The following SETD2 variants were observed in gnomAD, a reference collection of about 807,000 sequenced individuals.
SETD2 encodes the protein SET domain containing 2, histone lysine methyltransferase.
Under a neutral mutation model 242.1 loss-of-function variants are expected in SETD2, and 31 were observed. The ratio of observed to expected loss-of-function variants is 0.13; its 90% CI spans 0.10 to 0.17. The LOEUF (loss-of-function observed/expected upper bound fraction) is 0.17, where lower values mean the gene tolerates loss of function less well. SETD2 is among the 10% of genes least tolerant of loss of function. SETD2 has a pLI of 1.00. For missense variants in SETD2, 2,481 were observed against 3,046.3 expected, an observed-to-expected ratio of 0.81 and a Z score of 4.37; for synonymous variants, 1,006 against 1,066.5, an observed-to-expected ratio of 0.94 and a Z score of 1.11.
chr3:47,064,580 C>T, intron 13 of SETD2: 1 of 361,816 alleles, frequency 2.8e-6, no homozygotes. Context: ...TGACTCTGCA[C>T]CTTAGAATAT....
intron 17 of SETD2, among the ~76,000 whole-genome samples, chr3:47,038,230 GAA>G (rs950336255): frequency 4.6e-5 from 7 of 152,216 alleles, no homozygotes; most frequent in Non-Finnish European, 1.0e-4. Flanking sequence ...GACCACGTGA[GAA>G]AATTATCCCT....
chr3:47,137,694 T>C (rs924723131), intron 1 of SETD2, among the ~76,000 whole-genome samples: 5 of 152,092 alleles, frequency 3.3e-5, no homozygotes, highest in Admixed American at 6.6e-5. Context: ...ATTATAAATT[T>C]TTCTTTTTTT....
rs71098457 is a variant in SETD2 at position 47,150,028 on chromosome 3, C to CTTTTTTTTTTT, written c.71+13815_71+13825dup. On this transcript the variant is annotated intron_variant, in intron 1 of 20. Transcript: ENST00000409792. ...GTGTCTTTTGGCATATCCAAAAATA[C>CTTTTTTTTTTT]TTTTTTTTTTTTTTTTTTTTGAGAC... 4.1e-4 allele frequency among the ~76,000 whole-genome samples: 38 copies of CTTTTTTTTTTT among 92,428 alleles called. 1 individual carries two copies. The highest frequency in any genetic ancestry group is 4.7e-4 in the Non-Finnish European group (24 of 51,016). The allele number at this position is 92,428 out of a possible 152,430, so 60.6% of individuals were successfully genotyped here. A position where few individuals can be genotyped will look rare whatever the true frequency, so the allele number is the denominator to read the frequency against.
intron 6 of SETD2, among the ~76,000 whole-genome samples, chr3:47,104,854 C>CAA (rs1396746987): frequency 6.6e-6 from 1 of 152,196 alleles, no homozygotes; most frequent in Non-Finnish European, 1.5e-5. Context: ...GGCCAACACT[C>CAA]AAGTGATTCT....
At chr3:47,149,416 G>C (rs1381317117) in intron 1 of SETD2, among the ~76,000 whole-genome samples, 1 of 151,888 alleles carries the variant, frequency 6.6e-6, no homozygotes, top group African/African-American at 2.4e-5. Context: ...GGGAGCCACA[G>C]AAATGAGGAA....
rs2043234366 is a variant in SETD2, at chr3:47,124,229, C to G, written c.407G>C (p.Arg136Thr). 50 of 1,551,768 alleles carry G rather than the reference C, an allele frequency of 3.2e-5. No homozygotes were observed. In the East Asian group the frequency reaches 1.2e-3, roughly 37 times the overall value. Residue 136 changes from arginine to threonine, a missense_variant, in exon 3 of 21, where the codon AGG becomes ACG. This residue lies in a region of SETD2 where 334 missense variants were observed against 374.5 expected (regional missense o/e 0.89). Coordinates refer to ENST00000409792, the MANE Select transcript of SETD2 (RefSeq NM_014159.7). ...AAAATGAATTTTGCCCAATTCCACC[C>G]TTGACTTTGGTGGGGAAGATTCTTC... Reference protein sequence around the residue: ...TAEESSPPKSRVELGKIHFKK... With the variant: ...TAEESSPPKSTVELGKIHFKK...
chr3:47,137,046 G>A (rs985825533), intron 1 of SETD2, among the ~76,000 whole-genome samples: 26 of 152,080 alleles, frequency 1.7e-4, no homozygotes, highest in Non-Finnish European at 3.1e-4. Flanking sequence ...CAACATACAC[G>A]TGTAACAAAC....
intron 15 of SETD2, among the ~76,000 whole-genome samples, chr3:47,052,200 G>A (rs956230379): frequency 3.3e-5 from 5 of 151,890 alleles, no homozygotes; most frequent in South Asian, 2.1e-4. Flanking sequence ...ATGAATGTTC[G>A]TTTTTTTGTA....
intron 5 of SETD2, among the ~76,000 whole-genome samples, chr3:47,106,811 C>CA (rs397989450): frequency 0.56 from 63,368 of 113,242 alleles, 15,972 homozygotes; most frequent in Non-Finnish European, 0.62. Context: ...GACTCCGTCT[C>CA]AAAAAAAAAA....
At chr3:47,046,704 A>C (rs2039547594) in intron 15 of SETD2, 83 bp from the exon 16 acceptor site, 1 of 1,267,186 alleles carries the variant, frequency 7.9e-7, no homozygotes, top group Non-Finnish European at 1.1e-6. Flanking sequence ...GCACAATCTT[A>C]AAGATATACC....
rs2107589544 is a variant in SETD2 at position 47,062,281 on chromosome 3, T to C, written c.6175A>G (p.Arg2059Gly). 6.2e-7 allele frequency: 1 copy of C among 1,613,998 alleles called. No homozygotes were observed. Among genetic ancestry groups the C allele is most frequent in the South Asian group, 1.1e-5 (1 of 91,066 alleles). Reference sequence around the variant, plus strand: ...TTGTCTGGGTCTCTCTCTCTTGACCTATTAGGAGTCTTCGGGGCAGGTGTT... The same window carrying C: ...TTGTCTGGGTCTCTCTCTCTTGACCCATTAGGAGTCTTCGGGGCAGGTGTT... ...DQTPAPKTPN[R>G]SRERDPDKQT... Residue 2059 changes from arginine to glycine, a missense_variant, in exon 14 of 21, where the codon AGG (arginine) becomes GGG (glycine). By Grantham distance (125) the Arg-to-Gly change is moderately radical (BLOSUM62 -2). Coordinates refer to ENST00000409792, the MANE Select transcript of SETD2 (RefSeq NM_014159.7).
intron 12 of SETD2, among the ~76,000 whole-genome samples, chr3:47,075,647 C>G (rs902478616): frequency 1.4e-5 from 2 of 147,304 alleles, no homozygotes; most frequent in Non-Finnish European, 3.0e-5. Context: ...CTAGAAAAGA[C>G]AGAGAAATAG....
chr3:47,084,894 C>CTTT (rs879474671), intron 11 of SETD2, among the ~76,000 whole-genome samples: 3 of 133,400 alleles, frequency 2.2e-5, no homozygotes, highest in African/African-American at 2.8e-5. Context: ...CCATGCACAG[C>CTTT]TTTTTTTTTT....
chr3:47,037,720 C>A lies in SETD2; in HGVS notation c.7296G>T (p.Glu2432Asp), dbSNP rs752737051. 1.2e-6 allele frequency: 2 copies of A among 1,613,954 alleles called. No individual in the cohort carries two copies. Among genetic ancestry groups the A allele is most frequent in the Non-Finnish European group, 1.7e-6 (2 of 1,179,900 alleles). The change falls in exon 18 of 21, where the codon GAG becomes GAT. Residue 2432 changes from glutamate to aspartate, a missense_variant. Glu to Asp is a conservative substitution (Grantham distance 45). Coordinates refer to ENST00000409792, the MANE Select transcript of SETD2 (RefSeq NM_014159.7). ...TTCCCAGGTCCATCTCAGCTTCATGCTCAAGGCTGGCATCATCTCCTGGGC... is the reference window on the plus strand; with the variant it reads ...TTCCCAGGTCCATCTCAGCTTCATGATCAAGGCTGGCATCATCTCCTGGGC... ...WESPGDDASL[E>D]HEAEMDLGTP...
At chr3:47,065,924 G>A (rs2040537718) in intron 13 of SETD2, among the ~76,000 whole-genome samples, 1 of 152,168 alleles carries the variant, frequency 6.6e-6, no homozygotes, top group Non-Finnish European at 1.5e-5. Context: ...TTTTTCAGGG[G>A]TGACTGAGAA....
chr3:47,083,299 A>C (rs186919678), intron 12 of SETD2, among the ~76,000 whole-genome samples: 34 of 152,360 alleles, frequency 2.2e-4, no homozygotes, highest in African/African-American at 7.5e-4. Context: ...ATTTACATTC[A>C]ATCATTTTTA....
intron 12 of SETD2, among the ~76,000 whole-genome samples, chr3:47,069,542 G>A (rs2107605994): frequency 6.6e-6 from 1 of 152,314 alleles, no homozygotes; most frequent in South Asian, 2.1e-4. Context: ...AGAGAAGGCT[G>A]AGAACTACTG....
intron 1 of SETD2, chr3:47,157,589 T>C (rs753854669): frequency 2.2e-6 from 1 of 455,098 alleles, no homozygotes; most frequent in South Asian, 1.6e-5. Context: ...ATAAAAGAAC[T>C]GACCAGGGGC....
At chr3:47,042,500 A>G (rs2039327400) in intron 17 of SETD2, 61 bp downstream of exon 17, 32 of 1,564,130 alleles carry the variant, frequency 2.0e-5, no homozygotes, top group African/African-American at 2.7e-5. Context: ...CTCCCCTTAT[A>G]GTGGCAACTT....
Sources: allele counts gnomAD v4.1 joint callset (sites outside exome capture counted in the v4.1 genomes callset), GRCh38; gene constraint gnomAD v4.1.1; regional missense constraint gnomAD v4.1.1; transcripts MANE v1.5; gene names NCBI Gene and HGNC (gene_info 2026-07-23, HGNC 2026-07-21).